GALNT2: variants seen among roughly 807,000 people sequenced by gnomAD.
GALNT2 encodes the protein polypeptide N-acetylgalactosaminyltransferase 2, also known as UDP-GalNAc:polypeptide N-acetylgalactosaminyltransferase 2.
GALNT2 carries 31 observed loss-of-function variants against 81.4 expected under a neutral mutation model. The ratio of observed to expected loss-of-function variants is 0.38; its 90% confidence interval spans 0.29 to 0.51. The LOEUF is 0.51. Among genes scored for constraint, GALNT2 ranks in the 20% least tolerant of loss-of-function variants. The pLI is 0.87. For missense variants in GALNT2, 629 were observed against 765.7 expected (o/e 0.82, Z 2.11); for synonymous variants, 303 against 287.4 (o/e 1.05, Z -0.55).
intron 8 of GALNT2, among the ~76,000 whole-genome samples, chr1:230,247,508 A>G (rs6692490): frequency 0.57 from 86,569 of 152,106 alleles, 27,317 homozygotes; most frequent in East Asian, 0.9. Flanking sequence ...CATAACATTC[A>G]GGAACGATTC....
intron 5 of GALNT2, 83 bp downstream of exon 5, chr1:230,236,503 G>GT: frequency 6.8e-7 from 1 of 1,470,526 alleles, no homozygotes; most frequent in South Asian, 1.2e-5. Context: ...CTAATGAGGC[G>GT]TGAACAAGCC....
At chr1:230,197,945 G>A (rs1476658293) in intron 2 of GALNT2, among the ~76,000 whole-genome samples, 5 of 152,182 alleles carry the variant, frequency 3.3e-5, no homozygotes, top group African/African-American at 1.2e-4. Context: ...GGGCTGACAG[G>A]CTTTGCGGTG....
At chr1:230,210,701 C>G (rs923931979) in intron 3 of GALNT2, among the ~76,000 whole-genome samples, 9 of 152,186 alleles carry the variant, frequency 5.9e-5, no homozygotes, top group African/African-American at 1.2e-4. Context: ...AAATGTCTGC[C>G]TTTAACACAG....
At chr1:230,178,766 A>G (rs1663067581) in intron 2 of GALNT2, among the ~76,000 whole-genome samples, 2 of 151,844 alleles carry the variant, frequency 1.3e-5, no homozygotes, top group South Asian at 4.2e-4. Flanking sequence ...CTGCATTGAC[A>G]CGTCATCATC....
intron 10 of GALNT2, among the ~76,000 whole-genome samples, chr1:230,253,208 A>G (rs1033673677): frequency 2.0e-5 from 3 of 152,196 alleles, no homozygotes; most frequent in Non-Finnish European, 4.4e-5. Context: ...TTCACTGCTT[A>G]TGCTTATGTG....
intron 2 of GALNT2, among the ~76,000 whole-genome samples, chr1:230,192,762 A>C (rs1334488440): frequency 6.6e-6 from 1 of 152,214 alleles, no homozygotes; most frequent in Non-Finnish European, 1.5e-5. Flanking sequence ...TTTTCTTTTA[A>C]ATAGCTTTTT....
In GALNT2 at chr1:230,153,580, G is replaced by A. The variant is rs570429582; in HGVS notation, c.127-24638G>A. 4.6e-5 allele frequency among the ~76,000 whole-genome samples: 7 copies of A among 152,290 alleles called. No individual in the cohort carries two copies. In the South Asian group the frequency reaches 6.2e-4, roughly 14 times the overall value. ...GAAAGGGCTGGGGAATTAATTCATC[G>A]AGAACATCTGAGGACGCCTTCCAGA... On this transcript the variant is annotated intron_variant, in intron 1 of 15. Transcript: ENST00000366672.
chr1:230,075,520 G>T (rs1027336544), intron 1 of GALNT2, among the ~76,000 whole-genome samples: 1 of 152,184 alleles, frequency 6.6e-6, no homozygotes, highest in Non-Finnish European at 1.5e-5. Context: ...CTGCCCCTCC[G>T]GAAGGAGCAG....
chr1:230,132,730 A>G (rs1191195942), intron 1 of GALNT2, among the ~76,000 whole-genome samples: 2 of 152,206 alleles, frequency 1.3e-5, no homozygotes, highest in South Asian at 2.1e-4. Flanking sequence ...AAATGTGACT[A>G]TTTTGTTGCA....
intron 1 of GALNT2, among the ~76,000 whole-genome samples, chr1:230,078,710 G>A: frequency 6.6e-6 from 1 of 152,224 alleles, no homozygotes. Context: ...GATGAGCTCA[G>A]GCGGTCTGTG....
In GALNT2 at chr1:230,279,330, A is replaced by G. The variant is rs1418892587; in HGVS notation, c.1588A>G (p.Lys530Glu). Residue 530 changes from lysine (K) to glutamate (E), a missense_variant, in exon 16 of 16, where the codon AAG (lysine) becomes GAG (glutamate). Physicochemically the swap from Lys to Glu is moderately conservative, Grantham distance 56 (BLOSUM62 1). Around this residue, in one of 3 missense-constraint regions of GALNT2, gnomAD observed 207 missense variants for 225.5 expected, o/e 0.92. Transcript: ENST00000366672. The surrounding 1 kb of genome is among the most constrained non-coding windows in gnomAD (Gnocchi z 4.6). The part of the protein sequence containing the change: ...QKWEQIEGNS[K>E]LRHVGSNLCL... ...ATGGGAACAGATCGAGGGCAACTCCAAGCTGAGGCACGTGGGCAGCAACCT... is the reference window on the plus strand; with the variant it reads ...ATGGGAACAGATCGAGGGCAACTCCGAGCTGAGGCACGTGGGCAGCAACCT... 6.2e-7 allele frequency: 1 copy of G among 1,614,040 alleles called. No individual in the cohort carries two copies. Among genetic ancestry groups the G allele is most frequent in the African/African-American group, 1.3e-5 (1 of 74,928 alleles).
intron 1 of GALNT2, among the ~76,000 whole-genome samples, chr1:230,068,035 C>T (rs1659254244): frequency 2.6e-5 from 4 of 152,240 alleles, no homozygotes; most frequent in Admixed American, 2.6e-4. Context: ...CCAGTCCCGG[C>T]CGTTCCCTTG....
chr1:230,185,867 C>T (rs1663319714), intron 2 of GALNT2, among the ~76,000 whole-genome samples: 1 of 152,196 alleles, frequency 6.6e-6, no homozygotes, highest in East Asian at 1.9e-4. Flanking sequence ...CACAGTGAGC[C>T]TCCAGGAATT....
At chr1:230,270,125 C>T (rs550760125) in intron 14 of GALNT2, among the ~76,000 whole-genome samples, 2 of 152,140 alleles carry the variant, frequency 1.3e-5, no homozygotes, top group African/African-American at 2.4e-5. Context: ...CACTTGAACC[C>T]GGGAGGTGGA....
At chr1:230,111,261 AC>A (rs1660698427) in intron 1 of GALNT2, among the ~76,000 whole-genome samples, 1 of 106,578 alleles carries the variant, frequency 9.4e-6, no homozygotes, top group Non-Finnish European at 2.2e-5. Flanking sequence ...ATTTGTGCAC[AC>A]GTGCACACTG....
intron 13 of GALNT2, 186 bp downstream of exon 13, chr1:230,263,191 C>T: frequency 3.3e-6 from 2 of 601,412 alleles, no homozygotes; most frequent in South Asian, 4.0e-5. Context: ...TGGCCTGCTG[C>T]TGTCTCTGTC....
At chr1:230,269,154 T>G (rs1205919482) in intron 14 of GALNT2, among the ~76,000 whole-genome samples, 1 of 151,098 alleles carries the variant, frequency 6.6e-6, no homozygotes, top group Non-Finnish European at 1.5e-5. Flanking sequence ...TTCTTTTTTT[T>G]TTTTTGAGAC....
chr1:230,069,316 C>T (rs999622269), intron 1 of GALNT2, among the ~76,000 whole-genome samples: 2 of 149,954 alleles, frequency 1.3e-5, no homozygotes, highest in South Asian at 4.2e-4. Flanking sequence ...TTCCTGGTGG[C>T]AATATAGACA....
chr1:230,278,917 C>T (rs1320551694), intron 15 of GALNT2, among the ~76,000 whole-genome samples: 1 of 152,148 alleles, frequency 6.6e-6, no homozygotes, highest in East Asian at 1.9e-4. Context: ...GTGTGGATCC[C>T]TTCTTGGGGT....
Sources: allele counts gnomAD v4.1 joint callset (sites outside exome capture counted in the v4.1 genomes callset), GRCh38; gene constraint gnomAD v4.1.1; regional missense constraint gnomAD v4.1.1; non-coding constraint Gnocchi (gnomAD v3.1); transcripts MANE v1.5; gene names NCBI Gene and HGNC (gene_info 2026-07-23, HGNC 2026-07-21).